Variants in PAICS observed in about 807,000 individuals in gnomAD.
PAICS encodes the protein phosphoribosylaminoimidazole carboxylase and phosphoribosylaminoimidazolesuccinocarboxamide synthase.
PAICS carries 33 observed loss-of-function variants against 53.7 expected under a neutral mutation model. The ratio of observed to expected loss-of-function variants is 0.61; its 90% CI spans 0.47 to 0.82. The LOEUF (loss-of-function observed/expected upper bound fraction) is 0.82, where lower values mean the gene tolerates loss of function less well. Ranked by LOEUF, PAICS falls within the 40% of genes least tolerant of loss-of-function variation. PAICS has a pLI of 0.00. For missense variants in PAICS, 394 were observed against 494.1 expected (o/e 0.80, Z 1.92); for synonymous variants, 141 against 167.2 (o/e 0.84, Z 1.21).
chr4:56,452,201 T>TG, intron 7 of PAICS, 149 bp downstream of exon 7: 2 of 579,270 alleles, frequency 3.5e-6, no homozygotes, highest in Non-Finnish European at 6.0e-6. Context: ...TTTTTTGAGA[T>TG]GGAGTCTCAC....
the PAICS span, among the ~76,000 whole-genome samples, chr4:56,411,913 A>C: frequency 6.6e-6 from 1 of 152,196 alleles, no homozygotes; most frequent in African/African-American, 2.4e-5. Flanking sequence ...TTAAAAGAAG[A>C]ATCCACCCTG....
chr4:56,433,413 GA>G (rs1182906456), upstream of PAICS, among the ~76,000 whole-genome samples: 5,984 of 90,116 alleles, frequency 0.066, 407 homozygotes, highest in African/African-American at 0.21. Flanking sequence ...AAAAAAAAAA[GA>G]AAAAAAAAAC....
At chr4:56,445,925 A>G (rs896308869) in intron 2 of PAICS, among the ~76,000 whole-genome samples, 12 of 152,190 alleles carry the variant, frequency 7.9e-5, no homozygotes, top group Non-Finnish European at 1.8e-4. Context: ...AAAGTGGTTA[A>G]GTGGGCGGCT....
intron 8 of PAICS, among the ~76,000 whole-genome samples, chr4:56,456,702 T>TG (rs969433749): frequency 1.4e-5 from 2 of 138,166 alleles, no homozygotes; most frequent in Admixed American, 7.9e-5. Flanking sequence ...CCACTGCCTC[T>TG]GGGGTTTTTT....
the PAICS span, chr4:56,422,384 A>T: frequency 1.3e-5 from 2 of 152,286 alleles, no homozygotes; most frequent in East Asian, 3.9e-4. Context: ...GTAGCTGAAG[A>T]TGATTCAGTC....
In PAICS at chr4:56,459,490, G is replaced by C; in HGVS notation, c.1230G>C (p.Trp410Cys). The C allele has an allele frequency of 6.3e-7, 1 of 1,591,818 alleles. No homozygotes were observed. Among genetic ancestry groups the C allele is most frequent in the Non-Finnish European group, 8.6e-7 (1 of 1,163,454 alleles). Residue 410 changes from tryptophan to cysteine, a missense_variant, in exon 9 of 9, where the codon TGG becomes TGC. This residue lies in a region of PAICS where 95 missense variants were observed against 89.3 expected (regional missense o/e 1.06). Coordinates refer to ENST00000512576, the MANE Select transcript of PAICS (RefSeq NM_001079524.2). The part of the protein sequence containing the change: ...SKLRASILNT[W>C]ISLKQADKKI... ...TGCGAGCAAGCATTTTGAACACATG[G>C]ATTTCCTTGAAGCAGGCTGACAAGA...
At chr4:56,457,658 TTAAG>T (rs1279576515) in intron 8 of PAICS, among the ~76,000 whole-genome samples, 4 of 144,582 alleles carry the variant, frequency 2.8e-5, no homozygotes, top group African/African-American at 7.7e-5. Context: ...CAGTTTAGAA[TTAAG>T]TTTTTTTTTT....
chr4:56,446,775 G>C lies in PAICS; in HGVS notation c.295G>C (p.Val99Leu), dbSNP rs754374739. Residue 99 changes from valine to leucine, a missense_variant, in exon 3 of 9, where the codon GTT (valine) becomes CTT (leucine). Physicochemically the swap from Val to Leu is conservative, Grantham distance 32 (BLOSUM62 1). Around this residue, in one of 3 missense-constraint regions of PAICS, gnomAD observed 168 missense variants for 199.3 expected, o/e 0.84. Coordinates refer to ENST00000512576, the MANE Select transcript of PAICS (RefSeq NM_001079524.2). ...PQCEMIPIEW[V>L]CRRIATGSFL... is the part of the protein sequence containing the mutation. ...GTGTGAAATGATTCCAATTGAATGGGTTTGCAGAAGAATAGCAACTGGTTC... is the reference window on the plus strand; with the variant it reads ...GTGTGAAATGATTCCAATTGAATGGCTTTGCAGAAGAATAGCAACTGGTTC... 1 of 1,607,358 alleles carries C rather than the reference G, an allele frequency of 6.2e-7. No homozygotes were observed. The highest frequency in any genetic ancestry group is 1.3e-5 in the African/African-American group (1 of 74,756).
intron 8 of PAICS, among the ~76,000 whole-genome samples, chr4:56,456,115 G>A (rs977634358): frequency 6.6e-6 from 1 of 151,830 alleles, no homozygotes; most frequent in African/African-American, 2.4e-5. Context: ...TTCTTGAGAC[G>A]GAGTCGGGCT....
upstream of PAICS, among the ~76,000 whole-genome samples, chr4:56,432,193 CAA>C (rs1302413487): frequency 6.6e-6 from 1 of 152,066 alleles, no homozygotes; most frequent in Non-Finnish European, 1.5e-5. Flanking sequence ...AAATACAAAA[CAA>C]AAGTGATAGA....
intron 1 of PAICS, chr4:56,436,634 C>T (rs928874092): frequency 3.1e-6 from 2 of 644,644 alleles, no homozygotes; most frequent in Non-Finnish European, 5.7e-6. Flanking sequence ...TCGTCAAAAC[C>T]TGAGTCTTGC....
the PAICS span, among the ~76,000 whole-genome samples, chr4:56,424,924 T>C: frequency 6.6e-6 from 1 of 152,200 alleles, no homozygotes; most frequent in Non-Finnish European, 1.5e-5. Flanking sequence ...GAGTCAAGCA[T>C]ACTTAAATAA....
In PAICS at chr4:56,457,672, T is replaced by G. The variant is rs568563877; in HGVS notation, c.1112-1700T>G. On this transcript the variant is annotated intron_variant, in intron 8 of 8. Transcript: ENST00000512576. The stretch of plus-strand genomic sequence containing the variant: ...TCAGTTTAGAATTAAGTTTTTTTTT[T>G]TTTTTTTTTTTAAATGGAGTTTCGC... 9.3e-4 allele frequency among the ~76,000 whole-genome samples: 141 copies of G among 151,378 alleles called. 1 individual carries two copies. The highest frequency in any genetic ancestry group is 5.2e-3 in the South Asian group (25 of 4,806).
At chr4:56,433,124 A>C (rs923102599), upstream of PAICS, among the ~76,000 whole-genome samples, 5 of 151,958 alleles carry the variant, frequency 3.3e-5, no homozygotes, top group Non-Finnish European at 4.4e-5. Flanking sequence ...TGTTCTTCCA[A>C]GCAGAATCAG....
the PAICS span, chr4:56,410,674 CAG>C: frequency 1.0e-6 from 1 of 986,084 alleles, no homozygotes; most frequent in Non-Finnish European, 1.2e-6. Context: ...TAGGAGTATA[CAG>C]AGACTGGAAA....
In PAICS at chr4:56,446,356, G is replaced by A. The variant is rs146423280; in HGVS notation, c.215-339G>A. On this transcript the variant is annotated intron_variant, in intron 2 of 8. Transcript: ENST00000512576. Reference sequence around the variant, plus strand: ...TTTCTGTCTGAATTTGCCTATTCTAGTTACCTCATATAAGTCAAATCGTAA... The same window carrying A: ...TTTCTGTCTGAATTTGCCTATTCTAATTACCTCATATAAGTCAAATCGTAA... The A allele has an allele frequency of 1.8e-4, 130 of 717,692 alleles. 1 individual carries two copies. The African/African-American group carries it at 2.1e-3, about 12-fold the overall frequency. The allele number at this position is 717,692 out of a possible 1,614,324, so 44.5% of individuals were successfully genotyped here.
intron 2 of PAICS, chr4:56,446,216 G>A (rs1338707159): frequency 8.7e-6 from 5 of 573,098 alleles, no homozygotes; most frequent in Non-Finnish European, 6.4e-6. Context: ...TCACAATGTT[G>A]TACATTCATC....
chr4:56,435,996 T>C (rs1387860009), upstream of PAICS: 6 of 1,521,280 alleles, frequency 3.9e-6, no homozygotes, highest in Non-Finnish European at 3.5e-6. Context: ...TTCCGCAGAG[T>C]GGGGAGGGGC....
At chr4:56,452,083 T>C in intron 7 of PAICS, 31 bp downstream of exon 7, 1 of 1,423,838 alleles carries the variant, frequency 7.0e-7, no homozygotes, top group Admixed American at 2.2e-5. Context: ...ACATTTCAGG[T>C]ATTTCTGATT....
Sources: allele counts gnomAD v4.1 joint callset (sites outside exome capture counted in the v4.1 genomes callset), GRCh38; gene constraint gnomAD v4.1.1; regional missense constraint gnomAD v4.1.1; transcripts MANE v1.5; gene names NCBI Gene and HGNC (gene_info 2026-07-23, HGNC 2026-07-21).